Variants in GPCPD1 observed in about 807,000 individuals in gnomAD.
GPCPD1 encodes glycerophosphocholine phosphodiesterase GPCPD1.
Under a neutral mutation model 89.2 loss-of-function variants are expected in GPCPD1, and 29 were observed. The ratio of observed to expected loss-of-function variants is 0.33; its 90% CI spans 0.24 to 0.44. GPCPD1 has a LOEUF of 0.44. GPCPD1 is among the 20% of genes least tolerant of loss of function. The pLI, the probability that GPCPD1 is intolerant of heterozygous loss-of-function variation, is 1.00. For synonymous variants in GPCPD1, 258 were observed against 266.3 expected (o/e 0.97, Z 0.30); for missense variants, 594 against 808.9 (o/e 0.73, Z 3.22).
chr20:5,566,140 T>A (rs1233402640), intron 14 of GPCPD1, among the ~76,000 whole-genome samples: 1 of 152,200 alleles, frequency 6.6e-6, no homozygotes, highest in Non-Finnish European at 1.5e-5. Flanking sequence ...CAATTACAGA[T>A]AAACACCTAT....
chr20:5,562,268 T>G (rs1986129978), intron 15 of GPCPD1, among the ~76,000 whole-genome samples: 1 of 152,144 alleles, frequency 6.6e-6, no homozygotes, highest in Admixed American at 6.5e-5. Flanking sequence ...AAAATGAATT[T>G]GACAGAGATT....
intron 18 of GPCPD1, 115 bp from the exon 19 acceptor site, chr20:5,558,220 G>T: frequency 1.8e-6 from 1 of 551,224 alleles, no homozygotes; most frequent in South Asian, 3.4e-5. Context: ...GAAAATGGTA[G>T]ATTTTTTTCT....
intron 18 of GPCPD1, among the ~76,000 whole-genome samples, chr20:5,558,430 T>C (rs1349509521): frequency 6.6e-6 from 1 of 152,222 alleles, no homozygotes; most frequent in African/African-American, 2.4e-5. Flanking sequence ...AGTCTGAACA[T>C]TTTTAGATTA....
At chr20:5,567,927 G>A (rs1039706261) in intron 12 of GPCPD1, 40 of 162,336 alleles carry the variant, frequency 2.5e-4, no homozygotes, top group African/African-American at 8.6e-4. Context: ...TCCATACTAC[G>A]TGACTAGAAA....
intron 11 of GPCPD1, 124 bp from the exon 12 acceptor site, chr20:5,570,363 G>T: frequency 1.3e-4 from 25 of 188,160 alleles, no homozygotes; most frequent in East Asian, 9.5e-4. Context: ...TTTCTAAAAA[G>T]TAATGTATTC....
At position 5,560,086 on chromosome 20, in the gene GPCPD1, G is replaced by T; in HGVS notation, c.1396-10C>A. ...CATCCCACATTCCATCCTAGTGAAA[G>T]AGAAAGCAAAATAAAAGTCACTGCA... On this transcript the variant is annotated splice_polypyrimidine_tract_variant and intron_variant, in intron 16 of 19. Coordinates refer to ENST00000379019, the MANE Select transcript of GPCPD1 (RefSeq NM_019593.5). 1 of 1,515,818 alleles carries T rather than the reference G, an allele frequency of 6.6e-7. No homozygotes were observed. The highest frequency in any genetic ancestry group is 8.8e-7 in the Non-Finnish European group (1 of 1,134,772). 93.9% of individuals were successfully genotyped at this position (1,515,818 alleles called of 1,614,324 possible).
In GPCPD1 at chr20:5,610,944, GC is replaced by G. The variant is rs1427487170; in HGVS notation, c.-132del. On this transcript the variant is annotated 5_prime_UTR_variant, in exon 1 of 20. Coordinates refer to ENST00000379019, the MANE Select transcript of GPCPD1 (RefSeq NM_019593.5). ...CGCCCGCCGTCCGTGCCTCGCCAGC[GC>G]TCCCCCCAGGCGGCCTGCCGCGGCG... is the stretch of plus-strand genomic sequence containing the variant. The G allele has an allele frequency of 0.01, 2 of 200 alleles. No homozygotes were observed. The highest frequency in any genetic ancestry group is 0.033 in the African/African-American group (1 of 30). 0.0% of individuals were successfully genotyped at this position (200 alleles called of 1,614,324 possible). A position where few individuals can be genotyped will look rare whatever the true frequency, so the allele number is the denominator to read the frequency against.
intron 2 of GPCPD1, 74 bp downstream of exon 2, chr20:5,604,290 C>T (rs1980391283): frequency 3.8e-6 from 3 of 796,826 alleles, no homozygotes; most frequent in East Asian, 2.5e-5. Context: ...ATAGCAACTC[C>T]ATATTTAAGG....
intron 6 of GPCPD1, among the ~76,000 whole-genome samples, chr20:5,582,942 G>A (rs1422734173): frequency 7.9e-5 from 12 of 151,024 alleles, no homozygotes; most frequent in Non-Finnish European, 1.6e-4. Flanking sequence ...CTGATACACT[G>A]TAAGAATTCC....
At chr20:5,561,094 C>T (rs1176533846) in intron 16 of GPCPD1, among the ~76,000 whole-genome samples, 1 of 152,182 alleles carries the variant, frequency 6.6e-6, no homozygotes, top group African/African-American at 2.4e-5. Context: ...TTACTAGCTA[C>T]TGTTAACAAC....
chr20:5,545,632 CTAGTGATACGAAGGCCCGGACT>C lies in GPCPD1; in HGVS notation c.*2007_*2028del. 1 of 152,452 alleles carries C rather than the reference CTAGTGATACGAAGGCCCGGACT, an allele frequency of 6.6e-6. No individual in the cohort carries two copies. The highest frequency in any genetic ancestry group is 1.9e-4 in the East Asian group (1 of 5,184). 9.4% of individuals were successfully genotyped at this position (152,452 alleles called of 1,614,324 possible). ...TGAAGCAGGGTGTAAAAGGCAACAGCTAGTGATACGAAGGCCCGGACTTAGTCCTGTGAAAATAAGGAGCCAT... is the reference window on the plus strand; with the variant it reads ...TGAAGCAGGGTGTAAAAGGCAACAGCTAGTCCTGTGAAAATAAGGAGCCAT... On this transcript the variant is annotated 3_prime_UTR_variant, in exon 20 of 20. Transcript: ENST00000379019.
intron 2 of GPCPD1, among the ~76,000 whole-genome samples, chr20:5,599,127 C>T (rs911383843): frequency 4.6e-5 from 7 of 152,194 alleles, no homozygotes; most frequent in Non-Finnish European, 1.0e-4. Context: ...GATAAAACCA[C>T]AGTCTCTGCT....
rs547418250 is a variant in GPCPD1, at chr20:5,558,556, G to C, written c.1668+128C>G. 412 of 560,130 alleles carry C rather than the reference G, an allele frequency of 7.4e-4. 5 individuals are homozygous for C. The African/African-American group carries it at 7.4e-3, about 10-fold the overall frequency. The allele number at this position is 560,130 out of a possible 1,614,324, so 34.7% of individuals were successfully genotyped here. ...GATCTAATATCCTCGTTTTTAAGTA[G>C]AGCCACTTGTTTGCTACAGTTTAGT... On this transcript the variant is annotated intron_variant, in intron 18 of 19. Coordinates refer to ENST00000379019, the MANE Select transcript of GPCPD1 (RefSeq NM_019593.5).
intron 4 of GPCPD1, among the ~76,000 whole-genome samples, chr20:5,586,510 C>T (rs1029522142): frequency 4.6e-5 from 7 of 152,150 alleles, no homozygotes; most frequent in Non-Finnish European, 1.0e-4. Context: ...GCACACAGAA[C>T]TGTCTCAAAC....
rs887357431 is a variant in GPCPD1, at chr20:5,546,702, A to G, written c.*959T>C. On this transcript the variant is annotated 3_prime_UTR_variant, in exon 20 of 20. Transcript: ENST00000379019. ...TTTAACTACTGTATAACACACGCACATACAAAACAAACCCACAAAGCAACA... is the reference window on the plus strand; with the variant it reads ...TTTAACTACTGTATAACACACGCACGTACAAAACAAACCCACAAAGCAACA... 2.6e-5 allele frequency: 4 copies of G among 152,650 alleles called. No homozygotes were observed. The highest frequency in any genetic ancestry group is 9.6e-5 in the African/African-American group (4 of 41,456). 9.5% of individuals were successfully genotyped at this position (152,650 alleles called of 1,614,324 possible).
chr20:5,559,379 A>C lies in GPCPD1; in HGVS notation c.1533-560T>G, dbSNP rs554819794. Reference sequence around the variant, plus strand: ...GGCAGGAAGCTCACTTGAGCCTAAGAGTTTGACACCAGCCTGTGAAAGAGG... The same window carrying C: ...GGCAGGAAGCTCACTTGAGCCTAAGCGTTTGACACCAGCCTGTGAAAGAGG... On this transcript the variant is annotated intron_variant, in intron 17 of 19. Transcript: ENST00000379019. 1.1e-4 allele frequency among the ~76,000 whole-genome samples: 16 copies of C among 152,310 alleles called. No homozygotes were observed. In the South Asian group the frequency reaches 3.1e-3, roughly 30 times the overall value.
At chr20:5,548,884 G>C (rs1985198948) in intron 19 of GPCPD1, 2 of 1,029,236 alleles carry the variant, frequency 1.9e-6, no homozygotes, top group Non-Finnish European at 2.7e-6. Context: ...CCCCTGTGAA[G>C]AGGAGAAAAC....
At chr20:5,576,842 A>G (rs557339328) in intron 8 of GPCPD1, among the ~76,000 whole-genome samples, 2 of 152,238 alleles carry the variant, frequency 1.3e-5, no homozygotes, top group East Asian at 3.9e-4. Context: ...ATGTTAAACA[A>G]AGTAAAGGGA....
chr20:5,552,125 C>T (rs1985449724), intron 19 of GPCPD1, among the ~76,000 whole-genome samples: 1 of 152,090 alleles, frequency 6.6e-6, no homozygotes, highest in Non-Finnish European at 1.5e-5. Context: ...ACTTATCAAA[C>T]TATTTGAATT....
Sources: gnomAD v4.1 joint callset for allele counts (sites outside exome capture counted in the v4.1 genomes callset) on GRCh38, gnomAD v4.1.1 for gene constraint, MANE v1.5 for transcripts, NCBI Gene and HGNC (gene_info 2026-07-23, HGNC 2026-07-21) for gene names.